The following ZNF804B variants were observed in gnomAD, a reference collection of about 807,000 sequenced individuals.
ZNF804B encodes the protein zinc finger 804B.
In ZNF804B, 80 loss-of-function variants were observed where a neutral mutation model predicts 101.4. The observed-to-expected ratio is 0.79, with a 90% CI of 0.66 to 0.95. The LOEUF (loss-of-function observed/expected upper bound fraction) is 0.95, where lower values mean the gene tolerates loss of function less well. Among genes scored for constraint, ZNF804B ranks in the 40% least tolerant of loss-of-function variants. ZNF804B has a pLI of 0.00. For missense variants in ZNF804B, 1,673 were observed against 1,561.9 expected (o/e 1.07, Z -1.20); for synonymous variants, 622 against 558.8 (o/e 1.11, Z -1.59).
At chr7:88,778,830 A>G (rs1019511344) in intron 1 of ZNF804B, among the ~76,000 whole-genome samples, 1 of 152,218 alleles carries the variant, frequency 6.6e-6, no homozygotes, top group Non-Finnish European at 1.5e-5. Context: ...GCCGATATGC[A>G]TAAGGTATCC....
intron 1 of ZNF804B, among the ~76,000 whole-genome samples, chr7:89,160,346 G>A (rs775397151): frequency 8.6e-5 from 13 of 152,026 alleles, no homozygotes; most frequent in Non-Finnish European, 1.9e-4. Flanking sequence ...GGGATGTGGC[G>A]ATGAATAACC....
intron 1 of ZNF804B, among the ~76,000 whole-genome samples, chr7:88,887,857 C>T (rs1189585329): frequency 1.3e-5 from 2 of 151,852 alleles, no homozygotes; most frequent in African/African-American, 2.4e-5. Context: ...ACAGATGTGG[C>T]TTTGATATTA....
At chr7:88,846,213 T>C (rs1422589341) in intron 1 of ZNF804B, among the ~76,000 whole-genome samples, 2 of 152,162 alleles carry the variant, frequency 1.3e-5, no homozygotes, top group Admixed American at 1.3e-4. Context: ...TGCAATATGA[T>C]TTACTGGAGC....
chr7:88,854,518 TTTCC>T (rs1306860321), intron 1 of ZNF804B, among the ~76,000 whole-genome samples: 17 of 68,156 alleles, frequency 2.5e-4, no homozygotes, highest in Admixed American at 3.4e-4. Context: ...TTTCCTTTCC[TTTCC>T]TTCCTTTCCT....
intron 1 of ZNF804B, among the ~76,000 whole-genome samples, chr7:89,182,091 T>A (rs1400513602): frequency 6.6e-6 from 1 of 152,180 alleles, no homozygotes; most frequent in African/African-American, 2.4e-5. Context: ...CAGTATCAAA[T>A]AGGAAATTAC....
intron 1 of ZNF804B, among the ~76,000 whole-genome samples, chr7:89,055,190 G>A (rs569069526): frequency 1.2e-4 from 18 of 152,058 alleles, no homozygotes; most frequent in Non-Finnish European, 2.5e-4. Context: ...CTGTGGCAGA[G>A]GGAAGAATCC....
rs373290785 is a variant in ZNF804B, at chr7:89,045,362, C to A, written c.109-172793C>A. The stretch of plus-strand genomic sequence containing the variant: ...TGTGGGGTTAGATCCCACACAGGGT[C>A]CCCACTGGGCACTGCCTAGTAGAGC... On this transcript the variant is annotated intron_variant, in intron 1 of 3. Coordinates refer to ENST00000333190, the MANE Select transcript of ZNF804B (RefSeq NM_181646.5). 2.0e-5 allele frequency among the ~76,000 whole-genome samples: 3 copies of A among 152,326 alleles called. No homozygotes were observed. In the East Asian group the frequency reaches 5.8e-4, roughly 29 times the overall value.
intron 1 of ZNF804B, among the ~76,000 whole-genome samples, chr7:89,162,021 C>T (rs991552123): frequency 6.6e-6 from 1 of 152,054 alleles, no homozygotes; most frequent in Non-Finnish European, 1.5e-5. Flanking sequence ...TAGGATTTGT[C>T]ATATGATATG....
chr7:88,795,290 A>T (rs910607638), intron 1 of ZNF804B, among the ~76,000 whole-genome samples: 8 of 152,268 alleles, frequency 5.3e-5, no homozygotes, highest in Middle Eastern at 6.8e-3. Flanking sequence ...CAAATTTTTT[A>T]AAAATGGTAT....
chr7:88,929,005 A>T (rs1401622259), intron 1 of ZNF804B, among the ~76,000 whole-genome samples: 2 of 152,074 alleles, frequency 1.3e-5, no homozygotes, highest in Non-Finnish European at 2.9e-5. Context: ...AGGAAAAATA[A>T]AATTTAGTGA....
intron 1 of ZNF804B, among the ~76,000 whole-genome samples, chr7:88,837,270 A>G (rs1035264182): frequency 3.3e-5 from 5 of 152,004 alleles, no homozygotes. Flanking sequence ...TGTAACTTCA[A>G]GACAAAATAA....
At chr7:89,047,159 T>A (rs913085565) in intron 1 of ZNF804B, among the ~76,000 whole-genome samples, 1 of 152,182 alleles carries the variant, frequency 6.6e-6, no homozygotes, top group Non-Finnish European at 1.5e-5. Flanking sequence ...TTAACATCTA[T>A]GGGTGATTTT....
At position 89,037,414 on chromosome 7, in the gene ZNF804B, C is replaced by T. The variant is rs569431534; in HGVS notation, c.109-180741C>T. Among the ~76,000 whole-genome samples, 4 of 151,812 alleles carry T rather than the reference C, an allele frequency of 2.6e-5. No homozygotes were observed. The East Asian group carries it at 7.7e-4, about 29-fold the overall frequency. ...AAACCAAATCAATTTAACACATGTA[C>T]CAATTATTTAAATATAAACTTAAAA... On this transcript the variant is annotated intron_variant, in intron 1 of 3. Coordinates refer to ENST00000333190, the MANE Select transcript of ZNF804B (RefSeq NM_181646.5).
At chr7:89,296,371 A>G (rs1790384584) in intron 2 of ZNF804B, among the ~76,000 whole-genome samples, 1 of 151,944 alleles carries the variant, frequency 6.6e-6, no homozygotes, top group African/African-American at 2.4e-5. Flanking sequence ...TGGTGTTATG[A>G]AGCTTTCTGC....
chr7:89,072,068 G>T (rs947709464), intron 1 of ZNF804B, among the ~76,000 whole-genome samples: 3 of 152,052 alleles, frequency 2.0e-5, no homozygotes, highest in African/African-American at 7.2e-5. Context: ...CGAAAGAGAG[G>T]GTCTGACTTT....
intron 1 of ZNF804B, among the ~76,000 whole-genome samples, chr7:89,105,490 T>C (rs1392989277): frequency 6.6e-6 from 1 of 152,000 alleles, no homozygotes; most frequent in Non-Finnish European, 1.5e-5. Context: ...TACCCTTATA[T>C]GCATTCTTTC....
chr7:89,286,111 C>A (rs1041056138), intron 2 of ZNF804B, among the ~76,000 whole-genome samples: 7 of 152,124 alleles, frequency 4.6e-5, no homozygotes, highest in African/African-American at 1.4e-4. Flanking sequence ...CCCCTGGCTT[C>A]CCAGAATCCC....
At chr7:88,875,312 A>T (rs1165056679) in intron 1 of ZNF804B, among the ~76,000 whole-genome samples, 1 of 151,876 alleles carries the variant, frequency 6.6e-6, no homozygotes, top group East Asian at 1.9e-4. Context: ...CTAAAATCAG[A>T]GCAGAACTGA....
At chr7:89,326,837 T>A (rs1562946473) in intron 2 of ZNF804B, among the ~76,000 whole-genome samples, 1 of 152,158 alleles carries the variant, frequency 6.6e-6, no homozygotes, top group East Asian at 1.9e-4. Context: ...GATAAATATC[T>A]CCATCCAGAA....
Sources: gnomAD v4.1 joint callset for allele counts (sites outside exome capture counted in the v4.1 genomes callset) on GRCh38, gnomAD v4.1.1 for gene constraint, MANE v1.5 for transcripts, NCBI Gene and HGNC (gene_info 2026-07-23, HGNC 2026-07-21) for gene names.